The following MYRIP variants were observed in gnomAD, a reference collection of about 807,000 sequenced individuals.
MYRIP encodes the protein myosin VIIA and Rab interacting protein.
A neutral mutation model predicts 98.0 loss-of-function variants in MYRIP; 49 were observed. That is an observed-to-expected ratio of 0.50 (90% CI 0.40 to 0.63). The LOEUF (loss-of-function observed/expected upper bound fraction) is 0.63, where lower values mean the gene tolerates loss of function less well. Ranked by LOEUF, MYRIP falls within the 30% of genes least tolerant of loss-of-function variation. MYRIP has a pLI of 0.00. For missense variants in MYRIP, 1,004 were observed against 1,058.2 expected, an observed-to-expected ratio of 0.95 and a Z score of 0.71; for synonymous variants, 404 against 409.5, an observed-to-expected ratio of 0.99 and a Z score of 0.16.
At chr3:40,219,833 C>G (rs1171472010) in intron 11 of MYRIP, among the ~76,000 whole-genome samples, 1 of 151,302 alleles carries the variant, frequency 6.6e-6, no homozygotes, top group Non-Finnish European at 1.5e-5. Flanking sequence ...GATTTATAAT[C>G]CTTTGGGTAT....
chr3:40,201,286 A>G (rs1254424895), intron 10 of MYRIP, among the ~76,000 whole-genome samples: 1 of 152,224 alleles, frequency 6.6e-6, no homozygotes, highest in Non-Finnish European at 1.5e-5. Flanking sequence ...TTCAACAAAT[A>G]GCATAGTCTA....
At chr3:40,183,797 T>C (rs768962101) in intron 9 of MYRIP, among the ~76,000 whole-genome samples, 1 of 152,036 alleles carries the variant, frequency 6.6e-6, no homozygotes, top group Non-Finnish European at 1.5e-5. Context: ...ACAAAAAAGA[T>C]TAACAGCAGC....
At chr3:40,223,315 A>G (rs1302879975) in intron 11 of MYRIP, among the ~76,000 whole-genome samples, 1 of 152,250 alleles carries the variant, frequency 6.6e-6, no homozygotes, top group Non-Finnish European at 1.5e-5. Context: ...AAGAGGATCC[A>G]TTTATTAAGA....
chr3:40,230,309 G>C (rs1180742291), intron 11 of MYRIP, among the ~76,000 whole-genome samples: 1 of 152,186 alleles, frequency 6.6e-6, no homozygotes, highest in East Asian at 1.9e-4. Context: ...AATAGAAATA[G>C]GTAGGATCCT....
At chr3:40,212,572 C>G (rs1268222247) in intron 11 of MYRIP, among the ~76,000 whole-genome samples, 1 of 151,960 alleles carries the variant, frequency 6.6e-6, no homozygotes, top group African/African-American at 2.4e-5. Context: ...ATTTTCAGAC[C>G]AGCCTAGGCA....
intron 2 of MYRIP, among the ~76,000 whole-genome samples, chr3:39,906,149 C>T (rs1943873338): frequency 6.6e-6 from 1 of 151,870 alleles, no homozygotes; most frequent in East Asian, 1.9e-4. Context: ...CAAAATGAAT[C>T]CTCTGGGCTT....
chr3:40,095,209 A>G (rs944656977), intron 3 of MYRIP, among the ~76,000 whole-genome samples: 6 of 151,998 alleles, frequency 3.9e-5, no homozygotes, highest in African/African-American at 1.5e-4. Context: ...TCCTTTCAAG[A>G]TTTTTCAAGC....
chr3:40,107,660 G>GAT (rs1949074929), intron 3 of MYRIP, among the ~76,000 whole-genome samples: 1 of 152,102 alleles, frequency 6.6e-6, no homozygotes, highest in South Asian at 2.1e-4. Flanking sequence ...AAAAATTATA[G>GAT]GTATCCCTGA....
chr3:40,213,446 A>G (rs1952021947), intron 11 of MYRIP, among the ~76,000 whole-genome samples: 1 of 152,186 alleles, frequency 6.6e-6, no homozygotes, highest in Non-Finnish European at 1.5e-5. Context: ...GATCCCCATC[A>G]ACACTTGCAG....
chr3:39,986,694 G>A (rs1358940102), intron 2 of MYRIP, among the ~76,000 whole-genome samples: 1 of 152,148 alleles, frequency 6.6e-6, no homozygotes, highest in Non-Finnish European at 1.5e-5. Context: ...TATCTCTGGA[G>A]AACTTTCCTT....
chr3:39,874,570 A>C (rs574034677), intron 1 of MYRIP, among the ~76,000 whole-genome samples: 2 of 152,162 alleles, frequency 1.3e-5, no homozygotes, highest in African/African-American at 4.8e-5. Flanking sequence ...AATTGTGTCA[A>C]AGGCCTTTTC....
rs1209540811 is a variant in MYRIP at position 40,212,130 on chromosome 3, G to A, written c.1905+2037G>A. ...TATATATATATACATATATATACGT[G>A]TATATATATATACATATATATACGT... On this transcript the variant is annotated intron_variant, in intron 11 of 16. Coordinates refer to ENST00000302541, the MANE Select transcript of MYRIP (RefSeq NM_015460.4). Among the ~76,000 whole-genome samples, 2 of 77,388 alleles carry A rather than the reference G, an allele frequency of 2.6e-5. 1 individual carries two copies. The highest frequency in any genetic ancestry group is 6.7e-5 in the Non-Finnish European group (2 of 29,722). 50.8% of individuals were successfully genotyped at this position (77,388 alleles called of 152,430 possible).
intron 4 of MYRIP, among the ~76,000 whole-genome samples, chr3:40,160,834 T>G (rs1950374465): frequency 6.6e-6 from 1 of 152,162 alleles, no homozygotes; most frequent in South Asian, 2.1e-4. Flanking sequence ...GCTTCCTGAG[T>G]GAGGCAATGC....
intron 3 of MYRIP, among the ~76,000 whole-genome samples, chr3:40,047,136 G>C (rs1387646383): frequency 6.6e-6 from 1 of 152,180 alleles, no homozygotes; most frequent in African/African-American, 2.4e-5. Flanking sequence ...CCAACCATTT[G>C]CTATTTCTCT....
intron 1 of MYRIP, among the ~76,000 whole-genome samples, chr3:39,847,854 C>G (rs1033550900): frequency 3.3e-5 from 5 of 152,180 alleles, no homozygotes; most frequent in African/African-American, 9.7e-5. Context: ...CCCTCACCCC[C>G]CAAGGATTTC....
At chr3:40,150,088 T>A (rs554547228) in intron 3 of MYRIP, among the ~76,000 whole-genome samples, 22 of 152,240 alleles carry the variant, frequency 1.4e-4, no homozygotes, top group South Asian at 1.0e-3. Flanking sequence ...TTCTTTTTTT[T>A]TTTATTTATT....
intron 2 of MYRIP, among the ~76,000 whole-genome samples, chr3:39,999,367 T>C (rs574237603): frequency 1.3e-5 from 2 of 152,264 alleles, no homozygotes; most frequent in East Asian, 1.9e-4. Context: ...GGGTGAAGGA[T>C]ATGAACAGAC....
chr3:39,986,217 C>T (rs1946027567), intron 2 of MYRIP, among the ~76,000 whole-genome samples: 3 of 152,192 alleles, frequency 2.0e-5, no homozygotes, highest in Admixed American at 2.0e-4. Flanking sequence ...TAAGGGTGAC[C>T]TGAAACTCGT....
At chr3:40,171,325 G>A (rs1053405646) in intron 8 of MYRIP, among the ~76,000 whole-genome samples, 1 of 152,144 alleles carries the variant, frequency 6.6e-6, no homozygotes, top group Admixed American at 6.5e-5. Context: ...ATTCAGACAA[G>A]GGGCCTTTCC....
Sources: gnomAD v4.1 joint callset for allele counts (sites outside exome capture counted in the v4.1 genomes callset) on GRCh38, gnomAD v4.1.1 for gene constraint, MANE v1.5 for transcripts, NCBI Gene and HGNC (gene_info 2026-07-23, HGNC 2026-07-21) for gene names.